SOX6: variants seen among roughly 807,000 people sequenced by gnomAD.
The protein encoded by SOX6 is transcription factor SOX-6.
A neutral mutation model predicts 97.8 loss-of-function variants in SOX6; 11 were observed. That is an observed-to-expected ratio of 0.11 (90% confidence interval 0.07 to 0.19). SOX6 has a LOEUF of 0.19. Among genes scored for constraint, SOX6 ranks in the 10% least tolerant of loss-of-function variants. The probability of loss-of-function intolerance (pLI) is 1.00; values close to 1 mark genes in which losing one functional copy is unlikely to be tolerated. For synonymous variants in SOX6, 360 were observed against 371.4 expected, an observed-to-expected ratio of 0.97 and a Z score of 0.35; for missense variants, 810 against 1,039.5, an observed-to-expected ratio of 0.78 and a Z score of 3.04.
intron 12 of SOX6, among the ~76,000 whole-genome samples, chr11:16,032,707 A>G (rs1267090319): frequency 6.6e-6 from 1 of 152,086 alleles, no homozygotes; most frequent in East Asian, 1.9e-4. Flanking sequence ...CAGGCATTCA[A>G]GGCTTCCATC....
At chr11:16,135,237 T>C (rs1254394372) in intron 6 of SOX6, among the ~76,000 whole-genome samples, 3 of 152,160 alleles carry the variant, frequency 2.0e-5, no homozygotes, top group African/African-American at 4.8e-5. Flanking sequence ...GAGATACACA[T>C]GGAGATTAAT....
intron 13 of SOX6, among the ~76,000 whole-genome samples, chr11:16,000,640 C>T (rs1401502581): frequency 1.3e-5 from 2 of 152,028 alleles, no homozygotes; most frequent in Admixed American, 1.3e-4. Flanking sequence ...AAAACAAATC[C>T]CTATTTACTT....
At chr11:16,608,571 C>T (rs1848362256) in intron 4 of SOX6, among the ~76,000 whole-genome samples, 2 of 148,844 alleles carry the variant, frequency 1.3e-5, no homozygotes, top group South Asian at 4.3e-4. Flanking sequence ...GGAAGAGAAA[C>T]ATTTTAAACG....
chr11:16,506,613 T>A (rs1330588104), intron 4 of SOX6, among the ~76,000 whole-genome samples: 1 of 152,230 alleles, frequency 6.6e-6, no homozygotes, highest in Non-Finnish European at 1.5e-5. Flanking sequence ...AAGGGCAGGA[T>A]GATATGGTTT....
chr11:16,007,361 T>C (rs909303878), intron 13 of SOX6, among the ~76,000 whole-genome samples: 1 of 152,112 alleles, frequency 6.6e-6, no homozygotes, highest in Non-Finnish European at 1.5e-5. Context: ...TGTACTCTTA[T>C]AGGACCACCA....
intron 11 of SOX6, among the ~76,000 whole-genome samples, chr11:16,048,288 C>T (rs1480645136): frequency 1.3e-5 from 2 of 152,174 alleles, no homozygotes; most frequent in Admixed American, 1.3e-4. Context: ...ATGGATATCA[C>T]TAACTTGGCA....
chr11:16,326,658 C>G (rs1856103163), intron 2 of SOX6, among the ~76,000 whole-genome samples: 1 of 152,128 alleles, frequency 6.6e-6, no homozygotes, highest in Admixed American at 6.6e-5. Context: ...TCACCTTAAT[C>G]CAAGAATTAC....
At chr11:16,047,263 C>T (rs1044689924) in intron 11 of SOX6, among the ~76,000 whole-genome samples, 1 of 152,052 alleles carries the variant, frequency 6.6e-6, no homozygotes, top group Non-Finnish European at 1.5e-5. Flanking sequence ...AGGAATTCAC[C>T]GTACTCTCCA....
chr11:16,661,281 TTG>T (rs2134019167), intron 3 of SOX6, among the ~76,000 whole-genome samples: 1 of 152,346 alleles, frequency 6.6e-6, no homozygotes, highest in Admixed American at 6.5e-5. Flanking sequence ...TTCTTTTGAT[TTG>T]TGTTAGTACG....
chr11:16,198,820 T>C (rs1851858884), intron 4 of SOX6, among the ~76,000 whole-genome samples: 1 of 152,240 alleles, frequency 6.6e-6, no homozygotes, highest in South Asian at 2.1e-4. Context: ...ACACTCTCTT[T>C]GCTCCCTACC....
At chr11:16,039,721 T>C (rs1410443330) in intron 12 of SOX6, among the ~76,000 whole-genome samples, 1 of 152,090 alleles carries the variant, frequency 6.6e-6, no homozygotes, top group Admixed American at 6.6e-5. Flanking sequence ...ATATAGTTAA[T>C]ACTAAAAAAT....
chr11:16,038,396 AACTT>A, intron 12 of SOX6, among the ~76,000 whole-genome samples: 1 of 152,216 alleles, frequency 6.6e-6, no homozygotes, highest in African/African-American at 2.4e-5. Context: ...CTTATCAACA[AACTT>A]AATTAAATGG....
chr11:16,098,324 A>G (rs1848854535), intron 7 of SOX6, among the ~76,000 whole-genome samples: 2 of 151,956 alleles, frequency 1.3e-5, no homozygotes, highest in South Asian at 4.1e-4. Context: ...AGAATCATGC[A>G]TACTAAGCAC....
chr11:16,016,367 C>A (rs946345291), intron 12 of SOX6, among the ~76,000 whole-genome samples: 4 of 152,046 alleles, frequency 2.6e-5, no homozygotes, highest in Non-Finnish European at 5.9e-5. Flanking sequence ...CTTTAATCTA[C>A]ACCATTTCTA....
At chr11:16,414,255 G>A (rs1027926939) in intron 1 of SOX6, among the ~76,000 whole-genome samples, 19 of 152,080 alleles carry the variant, frequency 1.2e-4, no homozygotes, top group African/African-American at 4.1e-4. Context: ...TGTTCAGGTC[G>A]CAGGATAAAT....
At chr11:16,268,789 A>G (rs1241508049) in intron 3 of SOX6, among the ~76,000 whole-genome samples, 1 of 150,890 alleles carries the variant, frequency 6.6e-6, no homozygotes, top group African/African-American at 2.4e-5. Context: ...ATTTCCCTCA[A>G]ATTTTCAGAA....
At chr11:16,709,513 G>C (rs1848161197) in intron 3 of SOX6, among the ~76,000 whole-genome samples, 1 of 150,026 alleles carries the variant, frequency 6.7e-6, no homozygotes, top group African/African-American at 2.5e-5. Flanking sequence ...GCAAGACTGT[G>C]TCTCAAAAAA....
chr11:16,282,914 T>C (rs1854607235), intron 3 of SOX6, among the ~76,000 whole-genome samples: 1 of 149,946 alleles, frequency 6.7e-6, no homozygotes, highest in Admixed American at 6.7e-5. Context: ...ATTTGCCCAA[T>C]ATTTTGGCAA....
intron 3 of SOX6, among the ~76,000 whole-genome samples, chr11:16,254,337 T>C (rs1853615972): frequency 6.6e-6 from 1 of 152,086 alleles, no homozygotes; most frequent in Non-Finnish European, 1.5e-5. Flanking sequence ...TTGTTCAAAA[T>C]AATAGCATCA....
Sources: gnomAD v4.1 joint callset for allele counts (sites outside exome capture counted in the v4.1 genomes callset) on GRCh38, gnomAD v4.1.1 for gene constraint, MANE v1.5 for transcripts, NCBI Gene and HGNC (gene_info 2026-07-23, HGNC 2026-07-21) for gene names.